FBXL13: variants seen among roughly 807,000 people sequenced by gnomAD.
The protein encoded by FBXL13 is F-box and leucine-rich repeat protein 13.
A neutral mutation model predicts 83.6 loss-of-function variants in FBXL13; 67 were observed. The ratio of observed to expected loss-of-function variants is 0.80; its 90% CI spans 0.66 to 0.98. FBXL13 has a LOEUF of 0.98. FBXL13 is among the 50% of genes least tolerant of loss of function. The probability of loss-of-function intolerance (pLI) is 0.00; values close to 1 mark genes in which losing one functional copy is unlikely to be tolerated. For synonymous variants in FBXL13, 272 were observed against 299.5 expected (o/e 0.91, Z 0.95); for missense variants, 822 against 866.5 (o/e 0.95, Z 0.64).
chr7:102,912,671 A>ATC (rs1814922725), intron 11 of FBXL13, among the ~76,000 whole-genome samples: 5 of 73,534 alleles, frequency 6.8e-5, no homozygotes, highest in Non-Finnish European at 8.8e-5. Context: ...ATAGCATTTT[A>ATC]CCCCCCCCCC....
exon 7 of FBXL13, chr7:102,968,110 A>C (rs887183356): frequency 1.2e-6 from 2 of 1,608,466 alleles, no homozygotes; most frequent in Non-Finnish European, 1.7e-6. Context: ...ACTGAGGTAG[A>C]AGAAAATCTA....
At chr7:102,951,861 T>C (rs1258882343) in intron 8 of FBXL13, among the ~76,000 whole-genome samples, 1 of 130,616 alleles carries the variant, frequency 7.7e-6, no homozygotes, top group Non-Finnish European at 1.6e-5. Flanking sequence ...AAATAGAAAA[T>C]AGAGAATTAA....
chr7:102,979,611 G>C (rs1427561745), intron 6 of FBXL13, among the ~76,000 whole-genome samples: 1 of 152,164 alleles, frequency 6.6e-6, no homozygotes, highest in African/African-American at 2.4e-5. Context: ...ACCTCTGAGG[G>C]AGAAAAGAGA....
intron 8 of FBXL13, among the ~76,000 whole-genome samples, chr7:102,937,845 T>C (rs1443609443): frequency 1.3e-5 from 2 of 152,144 alleles, no homozygotes; most frequent in African/African-American, 4.8e-5. Context: ...TGAGGATCGG[T>C]ACAAGTATAC....
chr7:102,896,662 T>C (rs960626637), intron 11 of FBXL13, among the ~76,000 whole-genome samples: 1 of 152,192 alleles, frequency 6.6e-6, no homozygotes, highest in Non-Finnish European at 1.5e-5. Flanking sequence ...CTCCTTGGCT[T>C]ACAGTTAGCC....
At chr7:102,944,337 G>C in intron 8 of FBXL13, 1 of 1,614,054 alleles carries the variant, frequency 6.2e-7, no homozygotes, top group Non-Finnish European at 8.5e-7. Flanking sequence ...ATAACCCTTG[G>C]AGATGTGACT....
chr7:102,835,819 C>T lies in FBXL13; in HGVS notation c.1720-2845G>A, dbSNP rs370625987. 2.0e-4 allele frequency among the ~76,000 whole-genome samples: 30 copies of T among 151,516 alleles called. No homozygotes were observed. In the South Asian group the frequency reaches 5.5e-3, roughly 28 times the overall value. ...AGAGACGGGGTTTCACCGTTTTAGC[C>T]GGGATGGTCTCGATCTCCTGACCTC... On this transcript the variant is annotated intron_variant, in intron 17 of 19. Transcript: ENST00000313221.
At chr7:102,844,000 T>C (rs7779145) in intron 17 of FBXL13, among the ~76,000 whole-genome samples, 33,907 of 152,062 alleles carry the variant, frequency 0.22, 4,348 homozygotes, top group East Asian at 0.59. Context: ...ATCAGTGGTG[T>C]CATCTGCAAG....
chr7:102,811,330 G>A (rs533150088), downstream of FBXL13, among the ~76,000 whole-genome samples: 27 of 152,264 alleles, frequency 1.8e-4, no homozygotes, highest in Middle Eastern at 3.4e-3. Flanking sequence ...TATGAAATAC[G>A]TAAGGGCTAA....
chr7:102,936,445 A>G (rs1434135970), intron 8 of FBXL13: 1 of 152,250 alleles, frequency 6.6e-6, no homozygotes, highest in Non-Finnish European at 1.5e-5. Context: ...CTGTCTCAGC[A>G]ATGCAACCAT....
chr7:102,929,932 T>C (rs572778559), intron 9 of FBXL13, among the ~76,000 whole-genome samples: 3 of 152,040 alleles, frequency 2.0e-5, no homozygotes, highest in Non-Finnish European at 4.4e-5. Flanking sequence ...TAAAGCTGTT[T>C]ATTAAAGGTC....
At chr7:102,966,281 A>G (rs1485073051) in intron 7 of FBXL13, among the ~76,000 whole-genome samples, 1 of 152,198 alleles carries the variant, frequency 6.6e-6, no homozygotes, top group Non-Finnish European at 1.5e-5. Flanking sequence ...TTACTACCCT[A>G]AGAGTTTCTG....
chr7:102,843,620 C>A (rs1803390718), intron 17 of FBXL13, among the ~76,000 whole-genome samples: 1 of 151,780 alleles, frequency 6.6e-6, no homozygotes, highest in African/African-American at 2.4e-5. Context: ...ACGAAAAATA[C>A]AAAAAATTAG....
chr7:102,980,926 G>T (rs76328320), intron 6 of FBXL13, among the ~76,000 whole-genome samples: 2 of 108,934 alleles, frequency 1.8e-5, no homozygotes, highest in Non-Finnish European at 3.9e-5. Context: ...TGAAAACCTT[G>T]TGTGTCAAAG....
chr7:102,953,616 C>T (rs961980437), intron 8 of FBXL13, among the ~76,000 whole-genome samples: 6 of 152,162 alleles, frequency 3.9e-5, no homozygotes, highest in African/African-American at 1.4e-4. Context: ...GGTTGCTCAA[C>T]ATTGTTAATA....
At chr7:102,892,369 T>A (rs1007717384) in intron 11 of FBXL13, among the ~76,000 whole-genome samples, 2 of 152,230 alleles carry the variant, frequency 1.3e-5, no homozygotes, top group Non-Finnish European at 2.9e-5. Flanking sequence ...TAATTTTCAC[T>A]ATGAACATAA....
chr7:102,825,890 C>T (rs1799540092), intron 18 of FBXL13, among the ~76,000 whole-genome samples: 1 of 152,230 alleles, frequency 6.6e-6, no homozygotes, highest in African/African-American at 2.4e-5. Flanking sequence ...TGCTTAAATT[C>T]TCCGAGCCTC....
chr7:102,983,709 C>G (rs1294354850), intron 6 of FBXL13, among the ~76,000 whole-genome samples: 2 of 152,100 alleles, frequency 1.3e-5, no homozygotes, highest in Admixed American at 1.3e-4. Flanking sequence ...GCATGAGCCA[C>G]CGCACCCAGC....
intron 8 of FBXL13, among the ~76,000 whole-genome samples, chr7:102,939,172 G>C (rs192827395): frequency 6.6e-5 from 10 of 152,304 alleles, no homozygotes; most frequent in Admixed American, 2.6e-4. Context: ...ATGACCTACA[G>C]GTCTTAATGG....
Sources: gnomAD v4.1 joint callset for allele counts (sites outside exome capture counted in the v4.1 genomes callset) on GRCh38, gnomAD v4.1.1 for gene constraint, MANE v1.5 for transcripts, NCBI Gene and HGNC (gene_info 2026-07-23, HGNC 2026-07-21) for gene names.